ZDHHC19: variants seen among roughly 807,000 people sequenced by gnomAD.
ZDHHC19 encodes the protein zDHHC palmitoyltransferase 19.
Under a neutral mutation model 33.9 loss-of-function variants are expected in ZDHHC19, and 30 were observed. That is an observed-to-expected ratio of 0.88 (90% CI 0.66 to 1.20). The LOEUF (loss-of-function observed/expected upper bound fraction) is 1.20, where lower values mean the gene tolerates loss of function less well. ZDHHC19 is among the 50% of genes most tolerant of loss of function. The pLI is 0.00. For missense variants in ZDHHC19, 364 were observed against 401.1 expected (o/e 0.91, Z 0.79); for synonymous variants, 178 against 167.6 (o/e 1.06, Z -0.48).
intron 6 of ZDHHC19, 104 bp from the exon 7 acceptor site, chr3:196,198,555 G>A: frequency 1.9e-6 from 3 of 1,558,944 alleles, no homozygotes. Flanking sequence ...AGCTCTGCAG[G>A]AAGCTGAGGC....
At chr3:196,202,409 G>A (rs957660027) in intron 5 of ZDHHC19, 1 of 152,248 alleles carries the variant, frequency 6.6e-6, no homozygotes, top group African/African-American at 2.4e-5. Flanking sequence ...CCAATTCCTT[G>A]TTCTACTCTT....
chr3:196,210,902 G>A (rs1187838710), intron 1 of ZDHHC19, among the ~76,000 whole-genome samples, 165 bp from the exon 2 acceptor site: 1 of 152,200 alleles, frequency 6.6e-6, no homozygotes. Context: ...AATGTCACCA[G>A]CATGACCAGC....
Position 196,198,283 on chromosome 3 carries a change from A to T in ZDHHC19, c.*12T>A, listed in dbSNP as rs1473941839. The stretch of plus-strand genomic sequence containing the variant: ...CACACACACGCTTCTTACCTCCTGG[A>T]GAGCTGCAGCCTCACCACGCCCCGG... On this transcript the variant is annotated 3_prime_UTR_variant, in exon 7 of 8. Coordinates refer to ENST00000296326, the MANE Select transcript of ZDHHC19 (RefSeq NM_001039617.2). The T allele has an allele frequency of 2.7e-6, 4 of 1,498,316 alleles. No individual in the cohort carries two copies. The South Asian group carries it at 5.6e-5, about 21-fold the overall frequency. The allele number at this position is 1,498,316 out of a possible 1,614,324, so 92.8% of individuals were successfully genotyped here. A position where few individuals can be genotyped will look rare whatever the true frequency, so the allele number is the denominator to read the frequency against.
chr3:196,208,348 GTC>G, intron 4 of ZDHHC19, 38 bp downstream of exon 4: 1 of 1,601,628 alleles, frequency 6.2e-7, no homozygotes, highest in Non-Finnish European at 8.5e-7. Flanking sequence ...CTCCTTGGCT[GTC>G]CCCGCCTCCT....
chr3:196,210,289 G>GAAAGAAA (rs1723137630), intron 2 of ZDHHC19, among the ~76,000 whole-genome samples: 4 of 46,412 alleles, frequency 8.6e-5, no homozygotes, highest in Admixed American at 2.6e-4. Flanking sequence ...AAAGAAAGAA[G>GAAAGAAA]GAAGGAAGGA....
rs1379990079 is a variant in ZDHHC19, at chr3:196,206,394, G to A, written c.687+1004C>T. ...GACAGGGTCTTGCTCTATTGCCCAG[G>A]CTGGAGTGCAGTGGTGCAATCACAG... is the stretch of plus-strand genomic sequence containing the variant. On this transcript the variant is annotated intron_variant, in intron 5 of 7. Coordinates refer to ENST00000296326, the MANE Select transcript of ZDHHC19 (RefSeq NM_001039617.2). 2.0e-5 allele frequency among the ~76,000 whole-genome samples: 3 copies of A among 152,048 alleles called. No homozygotes were observed. The East Asian group carries it at 5.8e-4, about 29-fold the overall frequency.
chr3:196,206,736 C>T (rs1224585472), intron 5 of ZDHHC19, among the ~76,000 whole-genome samples: 5 of 136,614 alleles, frequency 3.7e-5, no homozygotes, highest in African/African-American at 1.5e-4. Flanking sequence ...GGCTGGAGTG[C>T]ATGGTACGAT....
intron 5 of ZDHHC19, 42 bp downstream of exon 5, chr3:196,207,356 A>G (rs2108734712): frequency 6.6e-7 from 1 of 1,510,242 alleles, no homozygotes; most frequent in Non-Finnish European, 9.0e-7. Flanking sequence ...GGAAGCGCGG[A>G]GGTCCCCGAG....
chr3:196,210,285 A>AGAAAGAAAGAAAGAAGGAAGGAAG (rs750596258), intron 2 of ZDHHC19, among the ~76,000 whole-genome samples: 2 of 139,562 alleles, frequency 1.4e-5, no homozygotes, highest in Non-Finnish European at 3.1e-5. Flanking sequence ...AAAGAAAGAA[A>AGAAAGAAAGAAAGAAGGAAGGAAG]GAAGGAAGGA....
chr3:196,208,567 G>T lies in ZDHHC19; in HGVS notation c.409-7C>A, dbSNP rs1263389689. ...TGCAGTGGTGGTCAAAGTCCTGGGCGACAGGGAGAGGGGCCAGGCTTGAGG... is the reference window on the plus strand; with the variant it reads ...TGCAGTGGTGGTCAAAGTCCTGGGCTACAGGGAGAGGGGCCAGGCTTGAGG... On this transcript the variant is annotated splice_region_variant and splice_polypyrimidine_tract_variant and intron_variant, in intron 3 of 7. Coordinates refer to ENST00000296326, the MANE Select transcript of ZDHHC19 (RefSeq NM_001039617.2). The T allele has an allele frequency of 1.2e-6, 2 of 1,613,652 alleles. No homozygotes were observed. Among genetic ancestry groups the T allele is most frequent in the Non-Finnish European group, 1.7e-6 (2 of 1,179,814 alleles).
intron 5 of ZDHHC19, among the ~76,000 whole-genome samples, chr3:196,201,114 C>T (rs1031456794): frequency 4.0e-5 from 6 of 151,632 alleles, no homozygotes; most frequent in Non-Finnish European, 8.8e-5. Flanking sequence ...ACTGTGTCGC[C>T]CAGGCTGGAG....
rs1192596712 is a variant in ZDHHC19, at chr3:196,207,449, C to T, written c.636G>A (p.Leu212=). ...AGLLVPLSLL[L]LIQALSVSSA... The stretch of plus-strand genomic sequence containing the variant: ...AGCTCACGGACAGTGCCTGGATCAG[C>T]AGCAGGAGGGACAGCGGCACCAGGA... The change falls in exon 5 of 8, where the codon CTG becomes CTA. Residue 212 remains leucine, a synonymous_variant. Transcript: ENST00000296326. 6 of 1,576,640 alleles carry T rather than the reference C, an allele frequency of 3.8e-6. No individual in the cohort carries two copies.
intron 5 of ZDHHC19, among the ~76,000 whole-genome samples, chr3:196,200,181 G>A (rs1722150534): frequency 6.7e-6 from 1 of 149,756 alleles, no homozygotes; most frequent in African/African-American, 2.5e-5. Flanking sequence ...AGGCTGGGAT[G>A]AGAGGATCCC....
chr3:196,202,812 G>C (rs547771245), intron 5 of ZDHHC19, among the ~76,000 whole-genome samples: 4 of 152,222 alleles, frequency 2.6e-5, no homozygotes, highest in Non-Finnish European at 1.5e-5. Context: ...GCCGGGGAAG[G>C]GGGAGAGTGG....
rs777371760 is a variant in ZDHHC19, at chr3:196,209,478, C to T, written c.306G>A (p.Val102=). Residue 102 remains valine (V), a synonymous_variant, in exon 3 of 8, where the codon GTG becomes GTA. Transcript: ENST00000296326. ...AEQGPLTVHV[V]WVNHGAFRLQ... ...GGCGGAAGGCCCCGTGGTTCACCCA[C>T]ACCACGTGCACCGTCAAGGGGCCCT... 1.2e-6 allele frequency: 2 copies of T among 1,612,756 alleles called. No homozygotes were observed. The highest frequency in any genetic ancestry group is 8.5e-7 in the Non-Finnish European group (1 of 1,179,678).
At chr3:196,209,642 A>T in intron 2 of ZDHHC19, 127 bp from the exon 3 acceptor site, 1 of 1,263,626 alleles carries the variant, frequency 7.9e-7, no homozygotes, top group East Asian at 2.5e-5. Context: ...CCCTGTCCCC[A>T]CTGAGCAAGC....
In ZDHHC19 at chr3:196,210,964, C is replaced by T. The variant is rs148533848; in HGVS notation, c.146+206G>A. On this transcript the variant is annotated intron_variant, in intron 1 of 7. Coordinates refer to ENST00000296326, the MANE Select transcript of ZDHHC19 (RefSeq NM_001039617.2). ...CACCCTTGACCTCTGCGCCTTTGCA[C>T]GTCGGTTCCTGGAACAGAATATCCC... 1.4e-4 allele frequency among the ~76,000 whole-genome samples: 21 copies of T among 151,956 alleles called. No individual in the cohort carries two copies. In the East Asian group the frequency reaches 2.9e-3, roughly 21 times the overall value.
chr3:196,200,516 A>G lies in ZDHHC19; in HGVS notation c.688-1642T>C, dbSNP rs370668587. On this transcript the variant is annotated intron_variant, in intron 5 of 7. Coordinates refer to ENST00000296326, the MANE Select transcript of ZDHHC19 (RefSeq NM_001039617.2). ...ATTACAGGTGCTCGCCACCACGCCC[A>G]GCTAATTTTTTGTATTTTTAGTAGA... is the stretch of plus-strand genomic sequence containing the variant. 5.8e-3 allele frequency among the ~76,000 whole-genome samples: 868 copies of G among 149,850 alleles called. 17 individuals carry two copies. The highest frequency in any genetic ancestry group is 0.012 in the African/African-American group (483 of 40,298).
chr3:196,207,419 G>A lies in ZDHHC19; in HGVS notation c.666C>T (p.Ala222=), dbSNP rs781156645. ...LLIQALSVSS[A]DRTYKGKCRH... is the part of the protein sequence containing the mutation. ...GTACCTTGCCCTTGTAGGTGCGGTC[G>A]GCCGAGCTCACGGACAGTGCCTGGA... The change falls in exon 5 of 8, where the codon GCC becomes GCT. Residue 222 remains alanine, a synonymous_variant. Coordinates refer to ENST00000296326, the MANE Select transcript of ZDHHC19 (RefSeq NM_001039617.2). The A allele has an allele frequency of 5.2e-5, 81 of 1,567,790 alleles. No homozygotes were observed. Among genetic ancestry groups the A allele is most frequent in the Non-Finnish European group, 6.8e-5 (79 of 1,157,550 alleles).
Sources: gnomAD v4.1 joint callset for allele counts (sites outside exome capture counted in the v4.1 genomes callset) on GRCh38, gnomAD v4.1.1 for gene constraint, MANE v1.5 for transcripts, NCBI Gene and HGNC (gene_info 2026-07-23, HGNC 2026-07-21) for gene names.